Variants in COL25A1 observed in about 807,000 individuals in gnomAD.
The protein encoded by COL25A1 is collagen alpha-1(XXV) chain.
Under a neutral mutation model 128.4 loss-of-function variants are expected in COL25A1, and 103 were observed. The ratio of observed to expected loss-of-function variants is 0.80; its 90% confidence interval spans 0.68 to 0.94. COL25A1 has a LOEUF of 0.94. COL25A1 is among the 40% of genes least tolerant of loss of function. The pLI is 0.00. For synonymous variants in COL25A1, 279 were observed against 277.2 expected (o/e 1.01, Z -0.06); for missense variants, 745 against 840.0 (o/e 0.89, Z 1.40).
intron 3 of COL25A1, among the ~76,000 whole-genome samples, chr4:109,216,138 C>T (rs1777961097): frequency 6.6e-6 from 1 of 151,968 alleles, no homozygotes; most frequent in Admixed American, 6.6e-5. Context: ...TGTCTATTGA[C>T]TTAGAATATA....
intron 3 of COL25A1, among the ~76,000 whole-genome samples, chr4:109,263,835 C>A (rs554719378): frequency 3.9e-5 from 6 of 152,214 alleles, no homozygotes; most frequent in African/African-American, 1.4e-4. Context: ...TGTGCTCAAC[C>A]AAGAAGGAAA....
At chr4:109,213,511 C>T (rs1777746630) in intron 3 of COL25A1, among the ~76,000 whole-genome samples, 1 of 152,160 alleles carries the variant, frequency 6.6e-6, no homozygotes, top group African/African-American at 2.4e-5. Flanking sequence ...GGAGCCCAAA[C>T]ATCCCAATGG....
chr4:108,949,313 A>C (rs12643474), intron 8 of COL25A1, among the ~76,000 whole-genome samples: 76,305 of 151,874 alleles, frequency 0.5, 19,877 homozygotes, highest in East Asian at 0.81. Flanking sequence ...TAATAGTGGT[A>C]AAGGCTTACA....
At chr4:109,297,189 A>G (rs899590619) in intron 3 of COL25A1, among the ~76,000 whole-genome samples, 2 of 152,130 alleles carry the variant, frequency 1.3e-5, no homozygotes, top group East Asian at 3.8e-4. Context: ...TGACTGCATG[A>G]AAGAAATAAA....
At chr4:108,869,224 A>ATAAAT in intron 19 of COL25A1, 74 bp from the exon 20 acceptor site, 1 of 823,088 alleles carries the variant, frequency 1.2e-6, no homozygotes, top group Non-Finnish European at 1.8e-6. Flanking sequence ...AAATAAATAA[A>ATAAAT]AACTAAACTC....
At chr4:108,865,300 TG>T (rs1410174977) in intron 20 of COL25A1, among the ~76,000 whole-genome samples, 1 of 152,210 alleles carries the variant, frequency 6.6e-6, no homozygotes, top group Non-Finnish European at 1.5e-5. Flanking sequence ...ATGTAGGGCT[TG>T]AAATTCCAAG....
At chr4:109,148,271 T>TA (rs537130588) in intron 3 of COL25A1, among the ~76,000 whole-genome samples, 5 of 152,120 alleles carry the variant, frequency 3.3e-5, no homozygotes, top group African/African-American at 4.8e-5. Context: ...TTTCCAGATA[T>TA]AAAAAAATTG....
At chr4:108,824,537 C>T (rs1249989794) in intron 34 of COL25A1, among the ~76,000 whole-genome samples, 2 of 152,180 alleles carry the variant, frequency 1.3e-5, no homozygotes, top group East Asian at 3.8e-4. Flanking sequence ...TACCTCTCTG[C>T]ACTTTAGTCC....
intron 6 of COL25A1, among the ~76,000 whole-genome samples, chr4:109,000,743 CAA>C (rs1180104512): frequency 8.2e-4 from 30 of 36,422 alleles, no homozygotes; most frequent in Middle Eastern, 0.028. Flanking sequence ...GAGACTCTGT[CAA>C]AAAAAAAAAA....
chr4:109,138,657 T>C (rs1449363372), intron 3 of COL25A1, among the ~76,000 whole-genome samples: 1 of 151,984 alleles, frequency 6.6e-6, no homozygotes, highest in Non-Finnish European at 1.5e-5. Flanking sequence ...TGTTGTTTCC[T>C]GACTTTTTTG....
At chr4:108,936,257 A>T (rs1002812698) in intron 11 of COL25A1, among the ~76,000 whole-genome samples, 2 of 152,298 alleles carry the variant, frequency 1.3e-5, no homozygotes, top group East Asian at 3.9e-4. Context: ...TTTTTTAAAC[A>T]AAAACCATTA....
chr4:109,223,959 T>C (rs1778601693), intron 3 of COL25A1, among the ~76,000 whole-genome samples: 1 of 152,194 alleles, frequency 6.6e-6, no homozygotes. Flanking sequence ...TTGAAATATA[T>C]ATCACAGAAT....
At chr4:109,001,211 G>A (rs993199885) in intron 6 of COL25A1, among the ~76,000 whole-genome samples, 1 of 152,170 alleles carries the variant, frequency 6.6e-6, no homozygotes. Context: ...GATACTAGTG[G>A]TTGATAGTAC....
chr4:109,218,356 G>GTTTT (rs796441649), intron 3 of COL25A1, among the ~76,000 whole-genome samples: 7 of 100,474 alleles, frequency 7.0e-5, no homozygotes, highest in South Asian at 3.7e-4. Context: ...GGTTTTTTGG[G>GTTTT]GTTTTTTTTT....
chr4:108,968,564 T>C (rs2125982143), intron 8 of COL25A1, among the ~76,000 whole-genome samples: 1 of 152,196 alleles, frequency 6.6e-6, no homozygotes, highest in South Asian at 2.1e-4. Context: ...CTCCTTTTGC[T>C]GACACTCCTT....
intron 3 of COL25A1, among the ~76,000 whole-genome samples, chr4:109,231,181 A>T (rs957108269): frequency 2.0e-5 from 3 of 151,916 alleles, no homozygotes; most frequent in Non-Finnish European, 4.4e-5. Flanking sequence ...AAATTTAAAA[A>T]TTTTCTTACA....
intron 8 of COL25A1, among the ~76,000 whole-genome samples, chr4:108,960,602 C>G (rs1032803758): frequency 3.3e-5 from 5 of 152,232 alleles, no homozygotes; most frequent in African/African-American, 1.2e-4. Flanking sequence ...TCAAGGACTA[C>G]GTTAGAGCCC....
intron 26 of COL25A1, among the ~76,000 whole-genome samples, chr4:108,851,456 A>T (rs1041773338): frequency 1.3e-5 from 2 of 152,188 alleles, no homozygotes; most frequent in East Asian, 3.9e-4. Flanking sequence ...GTTATGACAG[A>T]CTTAGCAAAT....
At chr4:109,244,275 CT>C (rs1780110258) in intron 3 of COL25A1, among the ~76,000 whole-genome samples, 1 of 151,886 alleles carries the variant, frequency 6.6e-6, no homozygotes, top group African/African-American at 2.4e-5. Context: ...TGTGAATTAT[CT>C]TTTTCCACTT....
Sources: allele counts gnomAD v4.1 joint callset (sites outside exome capture counted in the v4.1 genomes callset), GRCh38; gene constraint gnomAD v4.1.1; transcripts MANE v1.5; gene names NCBI Gene and HGNC (gene_info 2026-07-23, HGNC 2026-07-21).